NTM: variants seen among roughly 807,000 people sequenced by gnomAD.
NTM encodes IgLON family member 2.
A neutral mutation model predicts 42.1 loss-of-function variants in NTM; 13 were observed. The observed-to-expected ratio is 0.31, with a 90% confidence interval of 0.20 to 0.49. The LOEUF is 0.49. Ranked by LOEUF, NTM falls within the 20% of genes least tolerant of loss-of-function variation. The pLI, the probability that NTM is intolerant of heterozygous loss-of-function variation, is 0.99. For synonymous variants in NTM, 187 were observed against 179.2 expected (o/e 1.04, Z -0.35); for missense variants, 373 against 452.8 (o/e 0.82, Z 1.60).
chr11:131,983,468 C>G (rs573743200), intron 2 of NTM, among the ~76,000 whole-genome samples: 2 of 150,942 alleles, frequency 1.3e-5, no homozygotes, highest in Admixed American at 1.3e-4. Context: ...CTCTGCCTCC[C>G]GGGTTCAAGC....
chr11:132,174,548 T>C (rs886670278), intron 3 of NTM, among the ~76,000 whole-genome samples: 1 of 152,230 alleles, frequency 6.6e-6, no homozygotes, highest in Non-Finnish European at 1.5e-5. Context: ...CTGTGTCGCC[T>C]CTTTCTCCCT....
intron 1 of NTM, among the ~76,000 whole-genome samples, chr11:131,530,331 C>G (rs1385718483): frequency 1.3e-5 from 2 of 149,842 alleles, no homozygotes; most frequent in African/African-American, 5.0e-5. Flanking sequence ...ACTTTCTACC[C>G]TATGAGAATG....
chr11:131,956,985 A>C (rs1485150115), intron 2 of NTM, among the ~76,000 whole-genome samples: 1 of 151,452 alleles, frequency 6.6e-6, no homozygotes, highest in African/African-American at 2.5e-5. Flanking sequence ...TGCTGTCTAC[A>C]TTGTGTCCTC....
At chr11:132,007,437 G>A (rs569835719) in intron 2 of NTM, among the ~76,000 whole-genome samples, 42 of 152,246 alleles carry the variant, frequency 2.8e-4, no homozygotes, top group Middle Eastern at 3.4e-3. Context: ...CCTGCTGAGC[G>A]TTACGAAGCA....
intron 3 of NTM, among the ~76,000 whole-genome samples, chr11:132,150,638 G>A (rs922056032): frequency 6.6e-6 from 1 of 151,930 alleles, no homozygotes; most frequent in African/African-American, 2.4e-5. Context: ...GATTTCCTAG[G>A]TTAGCTTCAA....
rs542582068 is a variant in NTM at position 131,768,214 on chromosome 11, G to A, written c.83-143350G>A. On this transcript the variant is annotated intron_variant, in intron 1 of 8. Coordinates refer to ENST00000683400, the MANE Select transcript of NTM (RefSeq NM_001352005.2). ...CTCGACTACAACCTCCGCCTCCTGGGTTCAAGCAATTCTCCTGCCTCAGCC... is the reference window on the plus strand; with the variant it reads ...CTCGACTACAACCTCCGCCTCCTGGATTCAAGCAATTCTCCTGCCTCAGCC... Among the ~76,000 whole-genome samples, 189 of 151,028 alleles carry A rather than the reference G, an allele frequency of 1.3e-3. 1 individual carries two copies. Among genetic ancestry groups the A allele is most frequent in the Non-Finnish European group, 5.0e-4 (34 of 67,918 alleles).
At chr11:132,113,547 G>A (rs1341214801) in intron 2 of NTM, among the ~76,000 whole-genome samples, 4 of 152,128 alleles carry the variant, frequency 2.6e-5, no homozygotes, top group Non-Finnish European at 4.4e-5. Flanking sequence ...TTCTCTCGCC[G>A]CACCCGCTTC....
chr11:131,834,464 T>G (rs1319581553), intron 1 of NTM, among the ~76,000 whole-genome samples: 1 of 151,880 alleles, frequency 6.6e-6, no homozygotes, highest in East Asian at 1.9e-4. Context: ...CAGCTGTGAG[T>G]AATTAGAATA....
At chr11:131,531,282 G>T (rs1376788861) in intron 1 of NTM, among the ~76,000 whole-genome samples, 1 of 152,112 alleles carries the variant, frequency 6.6e-6, no homozygotes, top group Non-Finnish European at 1.5e-5. Context: ...GGGACTATAG[G>T]TGCATGCCAC....
chr11:132,321,137 A>ATGCAGCTC (rs1314361010), intron 7 of NTM, among the ~76,000 whole-genome samples: 1 of 152,254 alleles, frequency 6.6e-6, no homozygotes, highest in Non-Finnish European at 1.5e-5. Context: ...CTCCAAAGGA[A>ATGCAGCTC]TGCAGCTCCT....
Position 132,123,434 on chromosome 11 carries a change from G to T in NTM, c.168-22848G>T, listed in dbSNP as rs529102532. ...CATGTCTCTGGAAGCCTCACTAGGA[G>T]ACCAACAATTAATAACAGTGTCAGT... On this transcript the variant is annotated intron_variant, in intron 2 of 8. Transcript: ENST00000683400. Among the ~76,000 whole-genome samples, 4 of 152,282 alleles carry T rather than the reference G, an allele frequency of 2.6e-5. No individual in the cohort carries two copies. The South Asian group carries it at 8.3e-4, about 32-fold the overall frequency.
intron 1 of NTM, among the ~76,000 whole-genome samples, chr11:131,843,080 A>G (rs1004509244): frequency 2.0e-5 from 3 of 152,262 alleles, no homozygotes; most frequent in African/African-American, 4.8e-5. Context: ...TTCCAAACAT[A>G]TAGGAAAATA....
chr11:131,475,148 G>T (rs997699451), intron 1 of NTM, among the ~76,000 whole-genome samples: 9 of 152,096 alleles, frequency 5.9e-5, no homozygotes, highest in African/African-American at 2.2e-4. Flanking sequence ...CTCCCAGTTG[G>T]CTGGGCCCGG....
At chr11:132,250,580 C>T (rs2139370815) in intron 4 of NTM, among the ~76,000 whole-genome samples, 2 of 151,720 alleles carry the variant, frequency 1.3e-5, no homozygotes, top group East Asian at 3.9e-4. Context: ...ATCTCTTTGT[C>T]TCTTCACACT....
At chr11:131,537,739 C>T (rs1055867836) in intron 1 of NTM, 4 of 152,412 alleles carry the variant, frequency 2.6e-5, no homozygotes, top group African/African-American at 9.6e-5. Context: ...CTCTTTTCTT[C>T]CGCTGTCTCC....
chr11:131,989,461 G>T (rs562312575), intron 2 of NTM, among the ~76,000 whole-genome samples: 1 of 152,224 alleles, frequency 6.6e-6, no homozygotes, highest in South Asian at 2.1e-4. Flanking sequence ...GAACTCATAG[G>T]AATTATTCAC....
At chr11:131,965,706 G>A (rs139598457) in intron 2 of NTM, among the ~76,000 whole-genome samples, 1,964 of 152,242 alleles carry the variant, frequency 0.013, 29 homozygotes, top group Non-Finnish European at 0.02. Context: ...TCTTGTCACT[G>A]TCTCAGGCTG....
chr11:131,458,715 A>G (rs1951120140), intron 1 of NTM, among the ~76,000 whole-genome samples: 1 of 152,230 alleles, frequency 6.6e-6, no homozygotes. Flanking sequence ...TTTTGAGAGT[A>G]GTTACCAATC....
At chr11:132,160,258 GC>G (rs1179927270) in intron 3 of NTM, among the ~76,000 whole-genome samples, 1 of 152,088 alleles carries the variant, frequency 6.6e-6, no homozygotes, top group Non-Finnish European at 1.5e-5. Context: ...AATTTTTCGT[GC>G]AAAAAAGCTT....
Sources: allele counts gnomAD v4.1 joint callset (sites outside exome capture counted in the v4.1 genomes callset), GRCh38; gene constraint gnomAD v4.1.1; transcripts MANE v1.5; gene names NCBI Gene and HGNC (gene_info 2026-07-23, HGNC 2026-07-21).